Variants in TRABD2B observed in about 807,000 individuals in gnomAD.
The protein encoded by TRABD2B is TraB domain containing 2B, also known as metalloprotease TIKI2.
A neutral mutation model predicts 40.1 loss-of-function variants in TRABD2B; 14 were observed. The observed-to-expected ratio is 0.35, with a 90% CI of 0.23 to 0.55. The LOEUF (loss-of-function observed/expected upper bound fraction) is 0.55, where lower values mean the gene tolerates loss of function less well. Among genes scored for constraint, TRABD2B ranks in the 20% least tolerant of loss-of-function variants. The pLI, the probability that TRABD2B is intolerant of heterozygous loss-of-function variation, is 0.90. For missense variants in TRABD2B, 541 were observed against 648.6 expected (o/e 0.83, Z 1.80); for synonymous variants, 263 against 277.0 (o/e 0.95, Z 0.50).
intron 2 of TRABD2B, among the ~76,000 whole-genome samples, chr1:47,925,998 A>G (rs1644963969): frequency 6.6e-6 from 1 of 152,164 alleles, no homozygotes; most frequent in African/African-American, 2.4e-5. Flanking sequence ...TGTCATTCAT[A>G]TAAGTGTGAT....
intron 2 of TRABD2B, among the ~76,000 whole-genome samples, chr1:47,902,672 AGAGTC>A (rs145853343): frequency 0.023 from 3,551 of 152,180 alleles, 103 homozygotes; most frequent in Admixed American, 0.089. Context: ...AATTTTTTAT[AGAGTC>A]GGGGTCTTAC....
intron 3 of TRABD2B, among the ~76,000 whole-genome samples, chr1:47,798,224 G>A (rs1231429417): frequency 6.6e-6 from 1 of 152,206 alleles, no homozygotes; most frequent in African/African-American, 2.4e-5. Context: ...GCACCTAATA[G>A]GGTAACTACG....
chr1:47,768,485 T>G (rs1644335544), intron 6 of TRABD2B, among the ~76,000 whole-genome samples: 1 of 152,100 alleles, frequency 6.6e-6, no homozygotes, highest in Admixed American at 6.5e-5. Context: ...ACACCTACAG[T>G]CTTGCTGCCA....
chr1:47,779,495 G>A (rs924848905), intron 4 of TRABD2B, among the ~76,000 whole-genome samples: 1 of 152,250 alleles, frequency 6.6e-6, no homozygotes, highest in East Asian at 1.9e-4. Context: ...CCATTTGGGA[G>A]TGGAAATCGT....
At chr1:47,876,997 C>G (rs993808789) in intron 2 of TRABD2B, among the ~76,000 whole-genome samples, 8 of 152,102 alleles carry the variant, frequency 5.3e-5, no homozygotes, top group Non-Finnish European at 1.0e-4. Flanking sequence ...ATTAAGCTTA[C>G]AGTCAGGTAA....
chr1:47,941,184 C>T (rs567868655), intron 2 of TRABD2B, among the ~76,000 whole-genome samples: 1 of 152,300 alleles, frequency 6.6e-6, no homozygotes, highest in African/African-American at 2.4e-5. Flanking sequence ...GGGACCTATT[C>T]AAGGTCCCAG....
At chr1:47,977,469 C>G (rs1645773187) in intron 2 of TRABD2B, among the ~76,000 whole-genome samples, 1 of 152,102 alleles carries the variant, frequency 6.6e-6, no homozygotes, top group South Asian at 2.1e-4. Flanking sequence ...ACTAGGCACG[C>G]TGTTCATTTT....
At chr1:47,793,838 G>C (rs553647218) in intron 4 of TRABD2B, among the ~76,000 whole-genome samples, 52 of 152,254 alleles carry the variant, frequency 3.4e-4, no homozygotes, top group African/African-American at 1.2e-3. Flanking sequence ...GGAACAGGGA[G>C]AGAAATGCTA....
At chr1:47,815,757 T>A (rs12023735) in intron 2 of TRABD2B, among the ~76,000 whole-genome samples, 6,653 of 150,428 alleles carry the variant, frequency 0.044, 333 homozygotes, top group East Asian at 0.21. Context: ...AGAATGTGTG[T>A]GCACACATGT....
chr1:47,948,306 A>T (rs1409994602), intron 2 of TRABD2B, among the ~76,000 whole-genome samples: 4 of 152,146 alleles, frequency 2.6e-5, no homozygotes, highest in Non-Finnish European at 5.9e-5. Context: ...AAAGGCCAAT[A>T]AGCAAAATGG....
intron 2 of TRABD2B, among the ~76,000 whole-genome samples, chr1:47,900,784 T>G (rs1368336657): frequency 6.6e-6 from 1 of 152,214 alleles, no homozygotes; most frequent in Non-Finnish European, 1.5e-5. Context: ...TGTGTGATTT[T>G]GGGTTCAGTC....
intron 2 of TRABD2B, among the ~76,000 whole-genome samples, chr1:47,842,067 T>C (rs111573137): frequency 6.6e-6 from 1 of 152,266 alleles, no homozygotes; most frequent in African/African-American, 2.4e-5. Flanking sequence ...CCACTGCGCC[T>C]GGCCGAAACC....
At chr1:47,935,591 G>A (rs1297768185) in intron 2 of TRABD2B, among the ~76,000 whole-genome samples, 1 of 152,094 alleles carries the variant, frequency 6.6e-6, no homozygotes, top group Non-Finnish European at 1.5e-5. Context: ...ATATTTAAGA[G>A]GACTCAAAAA....
intron 2 of TRABD2B, among the ~76,000 whole-genome samples, chr1:47,945,276 T>C (rs1570341637): frequency 6.6e-6 from 1 of 152,308 alleles, no homozygotes; most frequent in African/African-American, 2.4e-5. Context: ...TGGACATGGA[T>C]GTAGCCGTAG....
chr1:47,903,582 G>C (rs1186169319), intron 2 of TRABD2B, among the ~76,000 whole-genome samples: 2 of 152,116 alleles, frequency 1.3e-5, no homozygotes, highest in African/African-American at 4.8e-5. Flanking sequence ...GTTTCCTGCG[G>C]GGTGGAGTCA....
chr1:47,807,472 A>G (rs1644907686), intron 2 of TRABD2B, among the ~76,000 whole-genome samples: 1 of 152,228 alleles, frequency 6.6e-6, no homozygotes, highest in African/African-American at 2.4e-5. Context: ...GTTAAGAACC[A>G]TGAGCAGTTG....
chr1:47,823,597 C>CAGGGGG (rs2124419269), intron 2 of TRABD2B, among the ~76,000 whole-genome samples: 1 of 152,218 alleles, frequency 6.6e-6, no homozygotes, highest in East Asian at 1.9e-4. Context: ...GCTGTCAGAG[C>CAGGGGG]AGGGGGAGGT....
intron 2 of TRABD2B, among the ~76,000 whole-genome samples, chr1:47,961,017 T>C (rs1267123894): frequency 3.9e-5 from 6 of 152,122 alleles, no homozygotes; most frequent in African/African-American, 7.2e-5. Context: ...AACAGACATA[T>C]AGACCAATGC....
chr1:47,933,046 T>C (rs1645059888), intron 2 of TRABD2B, among the ~76,000 whole-genome samples: 1 of 151,818 alleles, frequency 6.6e-6, no homozygotes, highest in Non-Finnish European at 1.5e-5. Context: ...AGACCAGGAA[T>C]TGAACTCAGT....
Sources: gnomAD v4.1 joint callset for allele counts (sites outside exome capture counted in the v4.1 genomes callset) on GRCh38, gnomAD v4.1.1 for gene constraint, MANE v1.5 for transcripts, NCBI Gene and HGNC (gene_info 2026-07-23, HGNC 2026-07-21) for gene names.